The following ADAM17 variants were observed in gnomAD, a reference collection of about 807,000 sequenced individuals.
ADAM17 encodes the protein ADAM metallopeptidase domain 17.
A neutral mutation model predicts 96.7 loss-of-function variants in ADAM17; 39 were observed. The ratio of observed to expected loss-of-function variants is 0.40; its 90% CI spans 0.31 to 0.53. The LOEUF (loss-of-function observed/expected upper bound fraction) is 0.53. Among genes scored for constraint, ADAM17 ranks in the 20% least tolerant of loss-of-function variants. The pLI is 0.44. For missense variants in ADAM17, 777 were observed against 1,013.2 expected, an observed-to-expected ratio of 0.77 and a Z score of 3.17; for synonymous variants, 344 against 359.2, an observed-to-expected ratio of 0.96 and a Z score of 0.48.
chr2:9,514,518 A>ATATATAT (rs1663932935), intron 10 of ADAM17, among the ~76,000 whole-genome samples: 5 of 89,856 alleles, frequency 5.6e-5, no homozygotes, highest in African/African-American at 2.2e-4. Context: ...TTAAAATATA[A>ATATATAT]ATATATATAT....
intron 11 of ADAM17, among the ~76,000 whole-genome samples, chr2:9,506,497 G>T (rs978136127): frequency 6.6e-6 from 1 of 150,960 alleles, no homozygotes; most frequent in African/African-American, 2.4e-5. Context: ...CTCCTGAGTA[G>T]CTAGGACTAC....
intron 4 of ADAM17, among the ~76,000 whole-genome samples, chr2:9,533,780 T>C (rs1049743645): frequency 5.3e-5 from 8 of 152,190 alleles, no homozygotes; most frequent in Non-Finnish European, 1.2e-4. Context: ...CTCTGTTTTC[T>C]TTCTGTGAGA....
At chr2:9,554,686 A>G (rs1665687872) in intron 1 of ADAM17, among the ~76,000 whole-genome samples, 1 of 152,218 alleles carries the variant, frequency 6.6e-6, no homozygotes, top group South Asian at 2.1e-4. Flanking sequence ...TTTAAAATAC[A>G]CTAAAAGTTC....
At chr2:9,502,805 G>A (rs766939501) in intron 12 of ADAM17, among the ~76,000 whole-genome samples, 9 of 148,186 alleles carry the variant, frequency 6.1e-5, no homozygotes, top group Non-Finnish European at 1.2e-4. Context: ...CCTGGACCCC[G>A]GAGACAGAGG....
chr2:9,522,440 T>A (rs1664352855), intron 7 of ADAM17: 1 of 601,554 alleles, frequency 1.7e-6, no homozygotes, highest in East Asian at 2.8e-5. Flanking sequence ...AAATAATAAC[T>A]TAAAAAGAAA....
At chr2:9,520,939 G>A (rs1361722228) in intron 8 of ADAM17, among the ~76,000 whole-genome samples, 1 of 73,132 alleles carries the variant, frequency 1.4e-5, no homozygotes, top group Admixed American at 1.3e-4. Context: ...CCTCCAGCCA[G>A]GGCAACAAGA....
intron 5 of ADAM17, 28 bp downstream of exon 5, chr2:9,527,758 T>C (rs1420992439): frequency 2.1e-6 from 3 of 1,445,458 alleles, no homozygotes; most frequent in Non-Finnish European, 1.8e-6. Context: ...GTTTGTTTCT[T>C]ATTTGAAATA....
At chr2:9,494,900 C>T (rs1662450888) in intron 14 of ADAM17, 133 bp from the exon 15 acceptor site, 2 of 1,089,152 alleles carry the variant, frequency 1.8e-6, no homozygotes, top group African/African-American at 1.6e-5. Flanking sequence ...ATAGCTAATA[C>T]TATCCATAGC....
intron 6 of ADAM17, among the ~76,000 whole-genome samples, chr2:9,523,753 T>C (rs893118996): frequency 6.6e-6 from 1 of 152,246 alleles, no homozygotes; most frequent in Non-Finnish European, 1.5e-5. Flanking sequence ...CTTGAGCCTC[T>C]GTCACCAGAG....
intron 4 of ADAM17, among the ~76,000 whole-genome samples, chr2:9,532,482 G>GT (rs1310784095): frequency 3.9e-5 from 6 of 151,968 alleles, no homozygotes; most frequent in Non-Finnish European, 4.4e-5. Context: ...TTGTGTGTGT[G>GT]TATGTGTGAG....
chr2:9,553,901 G>A (rs549428516), intron 1 of ADAM17, among the ~76,000 whole-genome samples: 28 of 148,742 alleles, frequency 1.9e-4, no homozygotes, highest in African/African-American at 6.7e-4. Context: ...GTCTCTACTA[G>A]GAATACAAAA....
At position 9,523,303 on chromosome 2, in the gene ADAM17, C is replaced by T; in HGVS notation, c.789G>A (p.Arg263=). ...AACCTGCATTATCCCATGAAGTGTT[C>T]CGATAGATGTCATCAACTCTGTCAA... is the stretch of plus-strand genomic sequence containing the variant. ...ELIDRVDDIY[R]NTSWDNAGFK... The change falls in exon 7 of 19, where the codon CGG becomes CGA. Residue 263 remains arginine (R), a synonymous_variant. Coordinates refer to ENST00000310823, the MANE Select transcript of ADAM17 (RefSeq NM_003183.6). 1.2e-6 allele frequency: 2 copies of T among 1,613,050 alleles called. No individual in the cohort carries two copies. Among genetic ancestry groups the T allele is most frequent in the Non-Finnish European group, 1.7e-6 (2 of 1,179,544 alleles).
intron 1 of ADAM17, among the ~76,000 whole-genome samples, chr2:9,553,931 A>AGG (rs1665661696): frequency 6.6e-6 from 1 of 151,784 alleles, no homozygotes; most frequent in African/African-American, 2.4e-5. Flanking sequence ...GCGTGGTGGC[A>AGG]CATGCCTGTA....
chr2:9,503,803 A>T (rs1042246431), intron 12 of ADAM17, among the ~76,000 whole-genome samples: 2 of 148,450 alleles, frequency 1.3e-5, no homozygotes, highest in Non-Finnish European at 3.0e-5. Flanking sequence ...ACGCCACTGC[A>T]CTCCAGCCTG....
intron 4 of ADAM17, among the ~76,000 whole-genome samples, chr2:9,529,477 C>T (rs1664653791): frequency 6.6e-6 from 1 of 151,706 alleles, no homozygotes; most frequent in Non-Finnish European, 1.5e-5. Flanking sequence ...TGAAGCCACA[C>T]ACAAAAGACA....
intron 1 of ADAM17, among the ~76,000 whole-genome samples, chr2:9,553,398 G>A (rs1665641097): frequency 6.6e-6 from 1 of 151,878 alleles, no homozygotes; most frequent in Non-Finnish European, 1.5e-5. Context: ...AAGAGGCCGG[G>A]CCTGGTGGCT....
Position 9,491,102 on chromosome 2 carries a change from C to T in ADAM17, c.2132G>A (p.Ser711Asn). Residue 711 changes from serine to asparagine, a missense_variant and splice_region_variant, in exon 18 of 19, where the codon AGT becomes AAT. Transcript: ENST00000310823. Reference protein sequence around the residue: ...QYESLSLFHPSNVEMLSSMDS... With the variant: ...QYESLSLFHPNNVEMLSSMDS... ...GTTTCTTTCATATGGTATACTTACA[C>T]TGGGGTGAAACAGAGACAGAGATTC... The T allele has an allele frequency of 6.2e-7, 1 of 1,612,892 alleles. No homozygotes were observed. Among genetic ancestry groups the T allele is most frequent in the Non-Finnish European group, 8.5e-7 (1 of 1,179,008 alleles).
intron 14 of ADAM17, chr2:9,496,224 G>T (rs2124972999): frequency 6.6e-6 from 1 of 152,302 alleles, no homozygotes; most frequent in African/African-American, 2.4e-5. Context: ...CGCCCCCTGG[G>T]TTCAAGCAAT....
intron 4 of ADAM17, 69 bp downstream of exon 4, chr2:9,535,765 G>T: frequency 2.0e-6 from 2 of 997,696 alleles, no homozygotes; most frequent in Non-Finnish European, 3.0e-6. Context: ...TTTCACCTTT[G>T]CAGAACTGAG....
Sources: gnomAD v4.1 joint callset for allele counts (sites outside exome capture counted in the v4.1 genomes callset) on GRCh38, gnomAD v4.1.1 for gene constraint, MANE v1.5 for transcripts, NCBI Gene and HGNC (gene_info 2026-07-23, HGNC 2026-07-21) for gene names.